Variants in ZSWIM4 observed in about 807,000 individuals in gnomAD.
The protein encoded by ZSWIM4 is zinc finger SWIM-type containing 4, also known as zinc finger SWIM domain-containing protein 4.
Under a neutral mutation model 102.5 loss-of-function variants are expected in ZSWIM4, and 62 were observed. The observed-to-expected ratio is 0.60, with a 90% CI of 0.49 to 0.75. ZSWIM4 has a LOEUF of 0.75. Ranked by LOEUF, ZSWIM4 falls within the 30% of genes least tolerant of loss-of-function variation. ZSWIM4 has a pLI of 0.00. For synonymous variants in ZSWIM4, 652 were observed against 674.5 expected, an observed-to-expected ratio of 0.97 and a Z score of 0.52; for missense variants, 1,280 against 1,529.6, an observed-to-expected ratio of 0.84 and a Z score of 2.72.
chr19:13,797,853 A>G (rs1451652239), intron 1 of ZSWIM4, among the ~76,000 whole-genome samples: 3 of 152,244 alleles, frequency 2.0e-5, no homozygotes, highest in South Asian at 2.1e-4. Context: ...GGGTTTCACC[A>G]TGTTGGCCAG....
intron 1 of ZSWIM4, among the ~76,000 whole-genome samples, chr19:13,796,324 C>T (rs940115708): frequency 1.3e-5 from 2 of 152,080 alleles, no homozygotes; most frequent in Non-Finnish European, 2.9e-5. Flanking sequence ...CTGTCTCCCT[C>T]CATCGTAGCC....
At chr19:13,806,046 G>A (rs1348551382) in intron 3 of ZSWIM4, among the ~76,000 whole-genome samples, 2 of 148,962 alleles carry the variant, frequency 1.3e-5, no homozygotes, top group Non-Finnish European at 3.0e-5. Context: ...GTGGGTGGGG[G>A]ATATTTTTTT....
Position 13,823,397 on chromosome 19 carries a change from G to A in ZSWIM4, c.2112G>A (p.Pro704=), listed in dbSNP as rs141139081. 140 of 1,613,748 alleles carry A rather than the reference G, an allele frequency of 8.7e-5. 1 individual carries two copies. In the African/African-American group the frequency reaches 9.6e-4, roughly 11 times the overall value. Reference sequence around the variant, plus strand: ...CTGCTGGAGAACCTCATCCCAGCCCGCTGGACTCCATCATGAGCAACCGCT... The same window carrying A: ...CTGCTGGAGAACCTCATCCCAGCCCACTGGACTCCATCATGAGCAACCGCT... ...AFPAGEPHPS[P]LDSIMSNRFP... The change falls in exon 11 of 14, where the codon CCG becomes CCA. Residue 704 remains proline (P), a synonymous_variant. Coordinates refer to ENST00000590508, the MANE Select transcript of ZSWIM4 (RefSeq NM_001367834.3).
chr19:13,809,296 G>T lies in ZSWIM4; in HGVS notation c.1012+76G>T, dbSNP rs1975011048. The T allele has an allele frequency of 6.7e-7, 1 of 1,500,398 alleles. No individual in the cohort carries two copies. The highest frequency in any genetic ancestry group is 2.3e-4 in the Middle Eastern group (1 of 4,424). The allele number at this position is 1,500,398 out of a possible 1,614,324, so 92.9% of individuals were successfully genotyped here. Reference sequence around the variant, plus strand: ...GGGGGCTGGCCCACTCCAAGATTAGGGTCTGTTCCCTGAATCCGCCCTCCA... The same window carrying T: ...GGGGGCTGGCCCACTCCAAGATTAGTGTCTGTTCCCTGAATCCGCCCTCCA... On this transcript the variant is annotated intron_variant, in intron 5 of 13. Coordinates refer to ENST00000590508, the MANE Select transcript of ZSWIM4 (RefSeq NM_001367834.3). This position sits in a 1 kb window ranked among gnomAD's most constrained non-coding sequence, Gnocchi z 4.2.
chr19:13,799,642 C>G, intron 1 of ZSWIM4, 78 bp from the exon 2 acceptor site: 1 of 1,431,932 alleles, frequency 7.0e-7, no homozygotes. Context: ...TGGCCTCAAG[C>G]GATCCTCCCT....
At chr19:13,829,668 C>CA (rs1173213286) in intron 13 of ZSWIM4, among the ~76,000 whole-genome samples, 9 of 151,786 alleles carry the variant, frequency 5.9e-5, no homozygotes, top group East Asian at 1.9e-4. Context: ...ACTAAAAATA[C>CA]AAAAAAACTA....
intron 2 of ZSWIM4, among the ~76,000 whole-genome samples, chr19:13,801,429 G>A (rs1217515657): frequency 1.3e-5 from 2 of 152,152 alleles, no homozygotes; most frequent in Admixed American, 1.3e-4. Context: ...TCCAGACCTC[G>A]GGCTGAGGGA....
At position 13,825,723 on chromosome 19, in the gene ZSWIM4, G is replaced by T. The variant is rs369573466; in HGVS notation, c.2379+10G>T. The T allele has an allele frequency of 3.7e-6, 6 of 1,603,336 alleles. No homozygotes were observed. The highest frequency in any genetic ancestry group is 4.2e-6 in the Non-Finnish European group (5 of 1,177,450). ...GGAGCTGGGGCTGCAGGTGAGGGCT[G>T]CCAGGTGGATGCGGGAGGGCGATGG... On this transcript the variant is annotated intron_variant, in intron 12 of 13. Coordinates refer to ENST00000590508, the MANE Select transcript of ZSWIM4 (RefSeq NM_001367834.3). The surrounding 1 kb of genome is among the most constrained non-coding windows in gnomAD (Gnocchi z 4.6).
chr19:13,803,806 G>GAA lies in ZSWIM4; in HGVS notation c.356-969_356-968dup, dbSNP rs36078549. Among the ~76,000 whole-genome samples, 228 of 67,568 alleles carry GAA rather than the reference G, an allele frequency of 3.4e-3. 14 individuals are homozygous for GAA. The highest frequency in any genetic ancestry group is 0.018 in the Middle Eastern group (1 of 56). 44.3% of individuals were successfully genotyped at this position (67,568 alleles called of 152,430 possible). Reference sequence around the variant, plus strand: ...GGTGACAGAGCAAGACTCTGTCTCAGAAAAAAAAAAAAAAAAAAGCAAGTG... The same window carrying GAA: ...GGTGACAGAGCAAGACTCTGTCTCAGAAAAAAAAAAAAAAAAAAAAGCAAGTG... On this transcript the variant is annotated intron_variant, in intron 2 of 13. Coordinates refer to ENST00000590508, the MANE Select transcript of ZSWIM4 (RefSeq NM_001367834.3).
In ZSWIM4 at chr19:13,831,151, A is replaced by G. The variant is rs2145393340; in HGVS notation, c.*101A>G. 6.9e-7 allele frequency: 1 copy of G among 1,453,756 alleles called. No homozygotes were observed. Among genetic ancestry groups the G allele is most frequent in the African/African-American group, 1.4e-5 (1 of 70,678 alleles). The allele number at this position is 1,453,756 out of a possible 1,614,324, so 90.1% of individuals were successfully genotyped here. A position where few individuals can be genotyped will look rare whatever the true frequency, so the allele number is the denominator to read the frequency against. On this transcript the variant is annotated 3_prime_UTR_variant, in exon 14 of 14. Transcript: ENST00000590508. ...CGTGGCATTTCAGTATTATTAAGTC[A>G]GGGAAGGAGCCCGGCTGGAGATGGG...
intron 1 of ZSWIM4, among the ~76,000 whole-genome samples, chr19:13,797,706 G>T (rs531594409): frequency 1.5e-3 from 230 of 152,302 alleles, no homozygotes; most frequent in Non-Finnish European, 2.4e-3. Context: ...AGGCTGGAGT[G>T]CAGTGGCACG....
chr19:13,819,104 T>C (rs542626316), intron 9 of ZSWIM4, among the ~76,000 whole-genome samples: 3 of 151,960 alleles, frequency 2.0e-5, no homozygotes, highest in Admixed American at 2.0e-4. Flanking sequence ...AACCTCGTGA[T>C]CCGCCAGCCT....
chr19:13,828,766 T>C (rs1423445078), intron 13 of ZSWIM4, 40 bp downstream of exon 13: 1 of 1,595,142 alleles, frequency 6.3e-7, no homozygotes, highest in Admixed American at 1.7e-5. Context: ...ACTTCGCTGT[T>C]CTGGTTCTGC....
At chr19:13,821,412 T>C (rs1377333598) in intron 10 of ZSWIM4, among the ~76,000 whole-genome samples, 1 of 152,090 alleles carries the variant, frequency 6.6e-6, no homozygotes, top group Non-Finnish European at 1.5e-5. Context: ...TACACATCTA[T>C]GGTCCTAGCT....
intron 2 of ZSWIM4, among the ~76,000 whole-genome samples, chr19:13,800,304 C>G (rs1476893573): frequency 1.1e-3 from 72 of 66,582 alleles, no homozygotes; most frequent in Admixed American, 1.5e-3. Flanking sequence ...CTCGCTTTTT[C>G]GCCCAGGCCG....
In ZSWIM4 at chr19:13,819,508, C is replaced by A; in HGVS notation, c.2060+16C>A. On this transcript the variant is annotated intron_variant, in intron 10 of 13. Transcript: ENST00000590508. ...GAGCTATGAGGTGAGGATAGGTGGCCAAGGCAGTGGCAGGGGGAGCTGGGG... is the reference window on the plus strand; with the variant it reads ...GAGCTATGAGGTGAGGATAGGTGGCAAAGGCAGTGGCAGGGGGAGCTGGGG... 1 of 1,546,836 alleles carries A rather than the reference C, an allele frequency of 6.5e-7. No homozygotes were observed. Among genetic ancestry groups the A allele is most frequent in the Non-Finnish European group, 8.7e-7 (1 of 1,143,782 alleles).
chr19:13,817,108 T>C, intron 7 of ZSWIM4, 108 bp from the exon 8 acceptor site: 1 of 1,424,028 alleles, frequency 7.0e-7, no homozygotes, highest in Non-Finnish European at 9.4e-7. Flanking sequence ...GAGCAGGTGG[T>C]GGGCATTATG....
rs139039729 is a variant in ZSWIM4, at chr19:13,813,142, G to A, written c.1158G>A (p.Gln386=). 223 of 1,612,918 alleles carry A rather than the reference G, an allele frequency of 1.4e-4. 1 individual carries two copies. The African/African-American group carries it at 2.1e-3, about 15-fold the overall frequency. ...ACTCCTTCGACGGCCCCAGCCTGCA[G>A]CCCACCATGGCCCCCGCCCCAGGTA... is the stretch of plus-strand genomic sequence containing the variant. ...GNYSFDGPSL[Q]PTMAPAPGSE... The change falls in exon 6 of 14, where the codon CAG becomes CAA. Residue 386 remains glutamine (Q), a synonymous_variant. Coordinates refer to ENST00000590508, the MANE Select transcript of ZSWIM4 (RefSeq NM_001367834.3).
intron 2 of ZSWIM4, among the ~76,000 whole-genome samples, chr19:13,800,560 C>T (rs901704035): frequency 5.3e-5 from 8 of 151,808 alleles, no homozygotes; most frequent in East Asian, 1.9e-4. Flanking sequence ...CCACCGCTCC[C>T]GGCCCCATTT....
Sources: allele counts gnomAD v4.1 joint callset (sites outside exome capture counted in the v4.1 genomes callset), GRCh38; gene constraint gnomAD v4.1.1; non-coding constraint Gnocchi (gnomAD v3.1); transcripts MANE v1.5; gene names NCBI Gene and HGNC (gene_info 2026-07-23, HGNC 2026-07-21).